The following SNTG1 variants were observed in gnomAD, a reference collection of about 807,000 sequenced individuals.
The protein encoded by SNTG1 is gamma-1-syntrophin.
SNTG1 carries 39 observed loss-of-function variants against 74.7 expected under a neutral mutation model. That is an observed-to-expected ratio of 0.52 (90% CI 0.40 to 0.68). SNTG1 has a LOEUF of 0.68. Ranked by LOEUF, SNTG1 falls within the 30% of genes least tolerant of loss-of-function variation. The probability of loss-of-function intolerance (pLI) is 0.00; values close to 1 mark genes in which losing one functional copy is unlikely to be tolerated. For synonymous variants in SNTG1, 254 were observed against 217.1 expected, an observed-to-expected ratio of 1.17 and a Z score of -1.49; for missense variants, 685 against 609.5, an observed-to-expected ratio of 1.12 and a Z score of -1.30.
chr8:50,632,333 G>A (rs969139753), intron 13 of SNTG1, among the ~76,000 whole-genome samples: 2 of 133,912 alleles, frequency 1.5e-5, no homozygotes, highest in Non-Finnish European at 3.0e-5. Flanking sequence ...TTATTTGAGA[G>A]AGGGTCTCAC....
At chr8:50,233,937 T>C (rs1049735061) in intron 2 of SNTG1, among the ~76,000 whole-genome samples, 2 of 151,874 alleles carry the variant, frequency 1.3e-5, no homozygotes, top group African/African-American at 4.8e-5. Context: ...ATCGCTCATA[T>C]ATTTTTGTAA....
intron 1 of SNTG1, among the ~76,000 whole-genome samples, chr8:49,952,946 T>C (rs1809851706): frequency 6.6e-6 from 1 of 152,190 alleles, no homozygotes; most frequent in African/African-American, 2.4e-5. Context: ...CAGAAATCAA[T>C]TGTTCAGTAT....
chr8:50,645,690 T>A (rs951513620), intron 13 of SNTG1, among the ~76,000 whole-genome samples: 1 of 152,254 alleles, frequency 6.6e-6, no homozygotes, highest in African/African-American at 2.4e-5. Context: ...TGTGTGCTTA[T>A]GAAGGGCTCG....
rs184510037 is a variant in SNTG1 at position 50,615,735 on chromosome 8, G to A, written c.849+24818G>A. ...CCTAGATATATAACATGTTAAATACGTAACTGAAAAGGTGAAAAGACACAG... is the reference window on the plus strand; with the variant it reads ...CCTAGATATATAACATGTTAAATACATAACTGAAAAGGTGAAAAGACACAG... On this transcript the variant is annotated intron_variant, in intron 13 of 18. Transcript: ENST00000642720. 3.8e-4 allele frequency among the ~76,000 whole-genome samples: 58 copies of A among 152,258 alleles called. No homozygotes were observed. The Middle Eastern group carries it at 0.014, about 36-fold the overall frequency.
At chr8:50,592,246 A>G (rs553467222) in intron 13 of SNTG1, among the ~76,000 whole-genome samples, 2 of 152,326 alleles carry the variant, frequency 1.3e-5, no homozygotes, top group African/African-American at 4.8e-5. Context: ...GCTGTTTTAT[A>G]GTCAGATCTT....
intron 2 of SNTG1, among the ~76,000 whole-genome samples, chr8:50,393,133 A>G (rs1041711486): frequency 1.3e-5 from 2 of 152,164 alleles, no homozygotes; most frequent in African/African-American, 4.8e-5. Flanking sequence ...AATGAGGCTC[A>G]CAATCCACAA....
At chr8:50,100,313 G>A (rs1282823621) in intron 1 of SNTG1, among the ~76,000 whole-genome samples, 1 of 151,976 alleles carries the variant, frequency 6.6e-6, no homozygotes, top group Non-Finnish European at 1.5e-5. Context: ...ATTAAAGGAT[G>A]CAAAATTACA....
At chr8:50,741,734 A>AT (rs1276925332) in intron 17 of SNTG1, among the ~76,000 whole-genome samples, 19 of 152,074 alleles carry the variant, frequency 1.2e-4, no homozygotes, top group African/African-American at 4.6e-4. Context: ...ATGGAAACAA[A>AT]TGCACATTAC....
At chr8:50,244,969 G>A (rs1250439284) in intron 2 of SNTG1, among the ~76,000 whole-genome samples, 1 of 152,140 alleles carries the variant, frequency 6.6e-6, no homozygotes, top group African/African-American at 2.4e-5. Context: ...TATGATTCAT[G>A]TTAATATAAG....
intron 4 of SNTG1, among the ~76,000 whole-genome samples, chr8:50,407,271 G>A (rs2092889509): frequency 1.3e-5 from 2 of 152,168 alleles, no homozygotes; most frequent in South Asian, 2.1e-4. Flanking sequence ...GCTTAAGTGA[G>A]TGGAAAGGTT....
chr8:49,950,304 G>A (rs1441825241), intron 1 of SNTG1, among the ~76,000 whole-genome samples: 1 of 152,008 alleles, frequency 6.6e-6, no homozygotes, highest in African/African-American at 2.4e-5. Context: ...AAGTCCCATG[G>A]CACATGATAA....
At chr8:50,534,008 AAATT>A (rs1288897613) in intron 10 of SNTG1, among the ~76,000 whole-genome samples, 2 of 152,228 alleles carry the variant, frequency 1.3e-5, no homozygotes, top group Non-Finnish European at 1.5e-5. Flanking sequence ...AATTTGAAAG[AAATT>A]ATTATTGTAT....
chr8:50,780,145 G>A (rs543227504), intron 18 of SNTG1, among the ~76,000 whole-genome samples: 1 of 152,258 alleles, frequency 6.6e-6, no homozygotes, highest in South Asian at 2.1e-4. Flanking sequence ...GTTCATCAAG[G>A]ATATTGGTCT....
intron 2 of SNTG1, among the ~76,000 whole-genome samples, chr8:50,304,099 A>G (rs2089773852): frequency 6.6e-6 from 1 of 152,274 alleles, no homozygotes; most frequent in Middle Eastern, 3.4e-3. Flanking sequence ...GGCCTTTAAG[A>G]GGCGATTAGA....
intron 1 of SNTG1, among the ~76,000 whole-genome samples, chr8:50,016,365 AG>A (rs1470037362): frequency 6.6e-6 from 1 of 152,120 alleles, no homozygotes; most frequent in Non-Finnish European, 1.5e-5. Context: ...CCACTTATCA[AG>A]CTTTTTCACC....
intron 10 of SNTG1, 104 bp from the exon 11 acceptor site, chr8:50,536,574 T>C (rs890880250): frequency 3.6e-6 from 5 of 1,381,086 alleles, no homozygotes; most frequent in Non-Finnish European, 4.9e-6. Flanking sequence ...AGTCTTTTGA[T>C]CATTTAGGGG....
intron 15 of SNTG1, among the ~76,000 whole-genome samples, chr8:50,671,321 T>C (rs1170968050): frequency 6.6e-6 from 1 of 151,706 alleles, no homozygotes; most frequent in Non-Finnish European, 1.5e-5. Flanking sequence ...ATCCAGAATC[T>C]ACAATGAACT....
intron 2 of SNTG1, among the ~76,000 whole-genome samples, chr8:50,258,346 T>C (rs1223757961): frequency 6.6e-6 from 1 of 152,166 alleles, no homozygotes; most frequent in Non-Finnish European, 1.5e-5. Flanking sequence ...AAATAAAATA[T>C]ATTTTTGATG....
At chr8:50,511,667 T>TA (rs1260177590) in intron 9 of SNTG1, among the ~76,000 whole-genome samples, 1 of 152,216 alleles carries the variant, frequency 6.6e-6, no homozygotes, top group South Asian at 2.1e-4. Flanking sequence ...TACCATTATG[T>TA]AATGGCCTTC....
Sources: gnomAD v4.1 joint callset for allele counts (sites outside exome capture counted in the v4.1 genomes callset) on GRCh38, gnomAD v4.1.1 for gene constraint, MANE v1.5 for transcripts, NCBI Gene and HGNC (gene_info 2026-07-23, HGNC 2026-07-21) for gene names.